The following DTNA variants were observed in gnomAD, a reference collection of about 807,000 sequenced individuals.
DTNA encodes the protein dystrophin-related protein 3.
A neutral mutation model predicts 100.7 loss-of-function variants in DTNA; 43 were observed. The ratio of observed to expected loss-of-function variants is 0.43; its 90% CI spans 0.33 to 0.55. The LOEUF (loss-of-function observed/expected upper bound fraction) is 0.55, where lower values mean the gene tolerates loss of function less well. Ranked by LOEUF, DTNA falls within the 20% of genes least tolerant of loss-of-function variation. The pLI, the probability that DTNA is intolerant of heterozygous loss-of-function variation, is 0.04. For missense variants in DTNA, 798 were observed against 953.9 expected, an observed-to-expected ratio of 0.84 and a Z score of 2.15; for synonymous variants, 349 against 347.9, an observed-to-expected ratio of 1.00 and a Z score of -0.04.
intron 1 of DTNA, among the ~76,000 whole-genome samples, chr18:34,704,551 T>G (rs371522743): frequency 2.6e-5 from 4 of 152,344 alleles, no homozygotes; most frequent in African/African-American, 9.6e-5. Flanking sequence ...CTCTGTCTAC[T>G]CTCAAATCAG....
chr18:34,520,659 A>T (rs1009310996), intron 1 of DTNA, among the ~76,000 whole-genome samples: 2 of 152,052 alleles, frequency 1.3e-5, no homozygotes, highest in Non-Finnish European at 2.9e-5. Context: ...CCGTCTCAAA[A>T]AAAAATAATA....
At chr18:34,588,686 A>AGTGTGTGTGTGTGCGTGTGTGT (rs1555632822) in intron 1 of DTNA, among the ~76,000 whole-genome samples, 3 of 149,556 alleles carry the variant, frequency 2.0e-5, no homozygotes, top group African/African-American at 7.4e-5. Flanking sequence ...TGAATATTAT[A>AGTGTGTGTGTGTGCGTGTGTGT]GTGTGTGTGT....
chr18:34,697,787 G>A (rs141154819), intron 1 of DTNA, among the ~76,000 whole-genome samples: 2,430 of 152,134 alleles, frequency 0.016, 26 homozygotes, highest in Non-Finnish European at 0.023. Flanking sequence ...CCATTGTCTC[G>A]CTTGTGGCCT....
chr18:34,683,549 C>T (rs1226519527), intron 1 of DTNA: 1 of 152,132 alleles, frequency 6.6e-6, no homozygotes, highest in Non-Finnish European at 1.5e-5. Flanking sequence ...ACATGATGTT[C>T]CTTCTACCAA....
chr18:34,771,377 C>T (rs8086794), intron 3 of DTNA, among the ~76,000 whole-genome samples: 125,169 of 151,892 alleles, frequency 0.82, 51,933 homozygotes, highest in East Asian at 0.91. Flanking sequence ...CGGGCGCCTG[C>T]AGTCCCAGCT....
intron 1 of DTNA, among the ~76,000 whole-genome samples, chr18:34,512,000 ACT>A (rs1337708780): frequency 6.6e-6 from 1 of 151,368 alleles, no homozygotes; most frequent in Non-Finnish European, 1.5e-5. Flanking sequence ...TTCTCCTGTG[ACT>A]CTGTTCTGAG....
chr18:34,866,226 G>C, intron 17 of DTNA: 1 of 1,611,640 alleles, frequency 6.2e-7, no homozygotes, highest in Non-Finnish European at 8.5e-7. Flanking sequence ...GTATGTTCAT[G>C]CTTCAGTTTG....
At chr18:34,825,321 C>T in intron 9 of DTNA, 1 of 1,611,992 alleles carries the variant, frequency 6.2e-7, no homozygotes, top group South Asian at 1.1e-5. Context: ...GATGTATAAT[C>T]ATGATCATAA....
At chr18:34,866,446 G>A (rs1204425482) in intron 17 of DTNA, 1 of 1,261,840 alleles carries the variant, frequency 7.9e-7, no homozygotes, top group Non-Finnish European at 1.0e-6. Context: ...AGCTTTTCAA[G>A]TTGTTGATCA....
intron 1 of DTNA, among the ~76,000 whole-genome samples, chr18:34,724,382 A>G (rs1389458827): frequency 6.6e-6 from 1 of 152,258 alleles, no homozygotes; most frequent in African/African-American, 2.4e-5. Flanking sequence ...GCATTATCAT[A>G]AACTGTTGGT....
intron 17 of DTNA, chr18:34,868,845 T>C (rs905075463): frequency 2.3e-6 from 2 of 870,808 alleles, no homozygotes; most frequent in African/African-American, 3.6e-5. Flanking sequence ...CTTCTTTGTG[T>C]ATCTTTAAGA....
intron 5 of DTNA, among the ~76,000 whole-genome samples, chr18:34,807,540 C>G (rs138272270): frequency 2.8e-3 from 425 of 152,244 alleles, no homozygotes; most frequent in African/African-American, 9.2e-3. Flanking sequence ...AAGGAAGACA[C>G]AGAACACCTT....
chr18:34,758,656 G>A (rs936408695), intron 2 of DTNA, among the ~76,000 whole-genome samples: 2 of 152,194 alleles, frequency 1.3e-5, no homozygotes, highest in African/African-American at 2.4e-5. Flanking sequence ...TGGCACCCAG[G>A]TTCTTGAGAA....
intron 1 of DTNA, among the ~76,000 whole-genome samples, chr18:34,609,426 A>G (rs542834232): frequency 1.7e-4 from 26 of 151,872 alleles, no homozygotes; most frequent in Admixed American, 1.2e-3. Context: ...TTGTATTTTT[A>G]GTAGAGACGG....
At chr18:34,825,367 G>A (rs2095836333) in intron 9 of DTNA, 2 of 1,513,908 alleles carry the variant, frequency 1.3e-6, no homozygotes, top group African/African-American at 2.7e-5. Context: ...AGCAATATGA[G>A]GCTAGTTTAG....
At chr18:34,714,906 A>G (rs1462151391) in intron 1 of DTNA, among the ~76,000 whole-genome samples, 1 of 152,166 alleles carries the variant, frequency 6.6e-6, no homozygotes, top group Non-Finnish European at 1.5e-5. Context: ...TGTCCTTTGT[A>G]GGGACATGGA....
chr18:34,511,142 AG>A, intron 1 of DTNA, among the ~76,000 whole-genome samples: 2 of 152,258 alleles, frequency 1.3e-5, no homozygotes, highest in South Asian at 4.1e-4. Flanking sequence ...CATTGTTACT[AG>A]GATCAGCATG....
intron 1 of DTNA, among the ~76,000 whole-genome samples, chr18:34,656,348 G>A (rs1254471919): frequency 6.6e-6 from 1 of 152,180 alleles, no homozygotes; most frequent in East Asian, 1.9e-4. Context: ...ATACAGTTTG[G>A]ATTTTATTTT....
intron 1 of DTNA, among the ~76,000 whole-genome samples, chr18:34,516,361 A>T (rs570630232): frequency 6.6e-6 from 1 of 152,214 alleles, no homozygotes; most frequent in Admixed American, 6.6e-5. Context: ...AGATCACAGG[A>T]CCAGGGCGAA....
Sources: gnomAD v4.1 joint callset for allele counts (sites outside exome capture counted in the v4.1 genomes callset) on GRCh38, gnomAD v4.1.1 for gene constraint, MANE v1.5 for transcripts, NCBI Gene and HGNC (gene_info 2026-07-23, HGNC 2026-07-21) for gene names.